The following SAMMSON variants were observed in gnomAD, a reference collection of about 807,000 sequenced individuals.
SAMMSON encodes the protein survival associated mitochondrial melanoma specific oncogenic non-coding RNA, also known as long intergenic non-protein coding RNA 1212.
At chr3:70,285,673 A>G (rs1213109212) in intron 6 of SAMMSON, among the ~76,000 whole-genome samples, 1 of 150,274 alleles carries the variant, frequency 6.7e-6, no homozygotes, top group Non-Finnish European at 1.5e-5. Context: ...CAGTCCCACC[A>G]ACAGTGTAAA....
rs558805235 is a variant in SAMMSON at position 70,306,320 on chromosome 3, C to T, written n.739+15077C>T. ...TAAAGACGGGGTTTCACCATGTTGG[C>T]CAGGCTGGTCTCAAACTCCTGACCT... On this transcript the variant is annotated intron_variant and non_coding_transcript_variant, in intron 7 of 9. Coordinates refer to ENST00000642114, the Ensembl canonical transcript of SAMMSON. 1.2e-4 allele frequency among the ~76,000 whole-genome samples: 19 copies of T among 152,210 alleles called. No individual in the cohort carries two copies. The East Asian group carries it at 3.7e-3, about 29-fold the overall frequency.
intron 1 of SAMMSON, among the ~76,000 whole-genome samples, chr3:70,002,936 C>A (rs1239174451): frequency 2.6e-5 from 4 of 152,088 alleles, no homozygotes; most frequent in African/African-American, 9.7e-5. Context: ...CTGATAGTAG[C>A]AGAGAAATAG....
intron 4 of SAMMSON, among the ~76,000 whole-genome samples, chr3:70,230,327 G>A (rs990405291): frequency 2.6e-4 from 39 of 152,078 alleles, no homozygotes; most frequent in Non-Finnish European, 7.4e-5. Flanking sequence ...TCACTGCAAC[G>A]AAATTTCACT....
chr3:70,391,920 G>A (rs1413373777), downstream of SAMMSON, among the ~76,000 whole-genome samples: 1 of 152,052 alleles, frequency 6.6e-6, no homozygotes, highest in African/African-American at 2.4e-5. Flanking sequence ...ATATTTACAA[G>A]ATTTGTTGCT....
At chr3:70,394,122 C>T (rs1186115803), downstream of SAMMSON, among the ~76,000 whole-genome samples, 2 of 152,096 alleles carry the variant, frequency 1.3e-5, no homozygotes. Context: ...GCCAGATTGG[C>T]TCTGGGAGTG....
intron 7 of SAMMSON, among the ~76,000 whole-genome samples, chr3:70,324,149 A>C (rs2106718748): frequency 7.3e-6 from 1 of 137,182 alleles, no homozygotes; most frequent in African/African-American, 2.7e-5. Flanking sequence ...ACCCCTTTAC[A>C]TCTCTCTATC....
chr3:70,309,663 T>C (rs1365528983), intron 7 of SAMMSON, among the ~76,000 whole-genome samples: 2 of 152,174 alleles, frequency 1.3e-5, no homozygotes, highest in East Asian at 3.9e-4. Context: ...TGCCAACCCA[T>C]ATACTTTTTC....
At chr3:70,192,604 G>A (rs1559531523) in intron 4 of SAMMSON, among the ~76,000 whole-genome samples, 1 of 152,172 alleles carries the variant, frequency 6.6e-6, no homozygotes, top group Non-Finnish European at 1.5e-5. Flanking sequence ...AAAGCTGAAG[G>A]TTCATCACTT....
At position 70,285,040 on chromosome 3, in the gene SAMMSON, AT is replaced by A. The variant is rs1159319520; in HGVS notation, n.675-6130del. 1.9e-3 allele frequency among the ~76,000 whole-genome samples: 285 copies of A among 147,440 alleles called. 1 individual carries two copies. Among genetic ancestry groups the A allele is most frequent in the African/African-American group, 5.7e-3 (228 of 39,926 alleles). ...TTTTTTTATTTTTTATTTTTTACTT[AT>A]TTTTTTTTAACTTTTTTTTTCTTTT... On this transcript the variant is annotated intron_variant and non_coding_transcript_variant, in intron 6 of 9. Transcript: ENST00000642114.
chr3:70,092,179 G>A (rs994921828), intron 4 of SAMMSON, among the ~76,000 whole-genome samples: 5 of 152,008 alleles, frequency 3.3e-5, no homozygotes, highest in Admixed American at 2.0e-4. Context: ...ATTAAGTCAC[G>A]AAATGAGAGT....
intron 9 of SAMMSON, among the ~76,000 whole-genome samples, chr3:70,366,236 C>T (rs1173835464): frequency 4.0e-5 from 1 of 24,738 alleles, no homozygotes; most frequent in African/African-American, 1.4e-4. Context: ...ATGATCCACC[C>T]GCCTCGGCCT....
chr3:70,370,662 T>G (rs1702961645), intron 9 of SAMMSON, among the ~76,000 whole-genome samples: 1 of 152,042 alleles, frequency 6.6e-6, no homozygotes, highest in South Asian at 2.1e-4. Flanking sequence ...GTTATTTGTT[T>G]TGTTTTGCTT....
chr3:70,141,890 G>T (rs1360266241), intron 4 of SAMMSON, among the ~76,000 whole-genome samples: 1 of 152,068 alleles, frequency 6.6e-6, no homozygotes, highest in Non-Finnish European at 1.5e-5. Context: ...TGCCTGTCTA[G>T]TTCATTTGTT....
chr3:70,201,141 A>T (rs73116275), intron 4 of SAMMSON, among the ~76,000 whole-genome samples: 19,916 of 151,850 alleles, frequency 0.13, 1,642 homozygotes, highest in Non-Finnish European at 0.19. Flanking sequence ...AGTTTATTTC[A>T]TCACCCAGGT....
At chr3:70,180,847 G>GAA (rs1701047946) in intron 4 of SAMMSON, among the ~76,000 whole-genome samples, 1 of 152,160 alleles carries the variant, frequency 6.6e-6, no homozygotes, top group African/African-American at 2.4e-5. Flanking sequence ...ATGAGTCAGA[G>GAA]AAAAGCAAAG....
intron 2 of SAMMSON, among the ~76,000 whole-genome samples, chr3:70,429,494 TTCTATGA>T (rs200099730): frequency 0.023 from 3,486 of 152,284 alleles, 131 homozygotes; most frequent in African/African-American, 0.079. Flanking sequence ...TTTTTTCTAA[TTCTATGA>T]AGAAAGTCAG....
chr3:70,143,764 C>T (rs2067537389), intron 4 of SAMMSON, among the ~76,000 whole-genome samples: 1 of 152,124 alleles, frequency 6.6e-6, no homozygotes, highest in South Asian at 2.1e-4. Flanking sequence ...GTGTGTTTCA[C>T]CATTCTTTGT....
chr3:70,028,944 A>G (rs551403841), intron 3 of SAMMSON, among the ~76,000 whole-genome samples: 10 of 152,328 alleles, frequency 6.6e-5, no homozygotes, highest in African/African-American at 2.2e-4. Flanking sequence ...TGTTAAGCCC[A>G]TTTGACAAGT....
intron 9 of SAMMSON, among the ~76,000 whole-genome samples, chr3:70,386,667 G>A (rs1448762521): frequency 6.6e-6 from 1 of 152,146 alleles, no homozygotes; most frequent in East Asian, 1.9e-4. Flanking sequence ...ATTTGAAGCA[G>A]CAATGGTTAT....
Sources: allele counts gnomAD v4.1 joint callset (sites outside exome capture counted in the v4.1 genomes callset), GRCh38; gene constraint gnomAD v4.1.1; transcripts MANE v1.5; gene names NCBI Gene and HGNC (gene_info 2026-07-23, HGNC 2026-07-21).